Variants in GALNT10 observed in about 807,000 individuals in gnomAD.
GALNT10 encodes polypeptide N-acetylgalactosaminyltransferase 10.
GALNT10 carries 41 observed loss-of-function variants against 75.0 expected under a neutral mutation model. The observed-to-expected ratio is 0.55, with a 90% CI of 0.43 to 0.71. The LOEUF (loss-of-function observed/expected upper bound fraction) is 0.71. Among genes scored for constraint, GALNT10 ranks in the 30% least tolerant of loss-of-function variants. The probability of loss-of-function intolerance (pLI) is 0.00; values close to 1 mark genes in which losing one functional copy is unlikely to be tolerated. For missense variants in GALNT10, 727 were observed against 818.5 expected, an observed-to-expected ratio of 0.89 and a Z score of 1.36; for synonymous variants, 302 against 313.0, an observed-to-expected ratio of 0.96 and a Z score of 0.37.
At chr5:154,202,811 G>A (rs935057885) in intron 1 of GALNT10, among the ~76,000 whole-genome samples, 2 of 152,174 alleles carry the variant, frequency 1.3e-5, no homozygotes, top group South Asian at 2.1e-4. Flanking sequence ...TATCTTTCCC[G>A]CTAGGGTGGG....
chr5:154,393,050 G>A (rs1236718681), intron 7 of GALNT10: 2 of 35,552 alleles, frequency 5.6e-5, no homozygotes, highest in East Asian at 7.1e-4. Flanking sequence ...TAAATTGGAG[G>A]TCTCCACAAA....
At chr5:154,219,837 C>CA (rs1581924356) in intron 1 of GALNT10, among the ~76,000 whole-genome samples, 1 of 105,240 alleles carries the variant, frequency 9.5e-6, no homozygotes, top group African/African-American at 3.1e-5. Flanking sequence ...CTCTCTCTCT[C>CA]TCACACACAC....
chr5:154,341,292 T>G (rs1226780809), intron 4 of GALNT10, among the ~76,000 whole-genome samples: 1 of 152,240 alleles, frequency 6.6e-6, no homozygotes, highest in Non-Finnish European at 1.5e-5. Context: ...TTTATCTGCT[T>G]ACTTTATAAA....
At chr5:154,273,979 G>A (rs1027745827) in intron 1 of GALNT10, among the ~76,000 whole-genome samples, 7 of 152,170 alleles carry the variant, frequency 4.6e-5, no homozygotes, top group Non-Finnish European at 8.8e-5. Context: ...AAAATAATAG[G>A]TTTATATGAT....
chr5:154,237,356 G>A (rs11739888), intron 1 of GALNT10, among the ~76,000 whole-genome samples: 1 of 152,172 alleles, frequency 6.6e-6, no homozygotes, highest in African/African-American at 2.4e-5. Context: ...AGCGTTTTGA[G>A]AGGAGAGAAG....
intron 6 of GALNT10, among the ~76,000 whole-genome samples, chr5:154,384,473 C>A (rs1167286679): frequency 6.6e-6 from 1 of 152,178 alleles, no homozygotes; most frequent in Non-Finnish European, 1.5e-5. Context: ...TTCTTTCATA[C>A]TCTTTTCATC....
rs184426159 is a variant in GALNT10, at chr5:154,286,110, G to A, written c.160-8706G>A. ...TTGTACCATGTACCCCTCTTTTATGGCCTGCCACTGTAGCTTTTTTAATTT... is the reference window on the plus strand; with the variant it reads ...TTGTACCATGTACCCCTCTTTTATGACCTGCCACTGTAGCTTTTTTAATTT... On this transcript the variant is annotated intron_variant, in intron 1 of 11. Transcript: ENST00000297107. Among the ~76,000 whole-genome samples the A allele has an allele frequency of 3.3e-5, 5 of 152,208 alleles. No homozygotes were observed. The East Asian group carries it at 9.7e-4, about 29-fold the overall frequency.
At chr5:154,385,593 T>C (rs1166785403) in intron 6 of GALNT10, among the ~76,000 whole-genome samples, 3 of 152,148 alleles carry the variant, frequency 2.0e-5, no homozygotes, top group East Asian at 3.9e-4. Context: ...CCCTCTGTCT[T>C]GAGGGGGCTG....
intron 1 of GALNT10, among the ~76,000 whole-genome samples, chr5:154,285,967 G>C (rs932651754): frequency 1.3e-5 from 2 of 151,988 alleles, no homozygotes; most frequent in Non-Finnish European, 2.9e-5. Flanking sequence ...TTTTCCCTCT[G>C]TCTGGAATGC....
In GALNT10 at chr5:154,276,354, A is replaced by G. The variant is rs148632926; in HGVS notation, c.160-18462A>G. Among the ~76,000 whole-genome samples, 13 of 152,210 alleles carry G rather than the reference A, an allele frequency of 8.5e-5. No homozygotes were observed. The East Asian group carries it at 2.5e-3, about 29-fold the overall frequency. Reference sequence around the variant, plus strand: ...CCATACATGGCCCCCTTGATCTACAAAACCAGCAATGCCATATTTAATTCT... The same window carrying G: ...CCATACATGGCCCCCTTGATCTACAGAACCAGCAATGCCATATTTAATTCT... On this transcript the variant is annotated intron_variant, in intron 1 of 11. Transcript: ENST00000297107.
At position 154,416,480 on chromosome 5, in the gene GALNT10, TAC is replaced by T. The variant is rs70978542; in HGVS notation, c.1654-297_1654-296del. 8.9e-3 allele frequency among the ~76,000 whole-genome samples: 1,268 copies of T among 141,904 alleles called. 19 individuals carry two copies. Among genetic ancestry groups the T allele is most frequent in the African/African-American group, 0.023 (853 of 36,904 alleles). The allele number at this position is 141,904 out of a possible 152,430, so 93.1% of individuals were successfully genotyped here. On this transcript the variant is annotated intron_variant, in intron 11 of 11. Coordinates refer to ENST00000297107, the MANE Select transcript of GALNT10 (RefSeq NM_198321.4). The surrounding 1 kb of genome is among the most constrained non-coding windows in gnomAD (Gnocchi z 4.5). The stretch of plus-strand genomic sequence containing the variant: ...AAATAAAAGATAAAAGGAAAGCACA[TAC>T]ACACACACACACACACACACACACA...
At chr5:154,372,323 G>T (rs1001891689) in intron 4 of GALNT10, among the ~76,000 whole-genome samples, 1 of 152,270 alleles carries the variant, frequency 6.6e-6, no homozygotes, top group South Asian at 2.1e-4. Context: ...ACTAAAAAAC[G>T]TGTTAGCCAT....
chr5:154,218,990 G>A, intron 1 of GALNT10, among the ~76,000 whole-genome samples: 1 of 152,118 alleles, frequency 6.6e-6, no homozygotes, highest in East Asian at 1.9e-4. Flanking sequence ...AAACACATCT[G>A]GTCATGTCCT....
intron 1 of GALNT10, among the ~76,000 whole-genome samples, chr5:154,242,560 C>T (rs149998084): frequency 2.6e-3 from 403 of 152,306 alleles, no homozygotes; most frequent in African/African-American, 9.2e-3. Flanking sequence ...CATAAACCCT[C>T]CCTGGAGAGG....
At chr5:154,369,056 G>A (rs747146582) in intron 4 of GALNT10, among the ~76,000 whole-genome samples, 5 of 152,194 alleles carry the variant, frequency 3.3e-5, no homozygotes, top group Non-Finnish European at 7.3e-5. Flanking sequence ...GTCTAAGAAA[G>A]TTGTCACAAG....
intron 1 of GALNT10, among the ~76,000 whole-genome samples, chr5:154,231,318 T>C (rs1192426388): frequency 6.6e-6 from 1 of 152,224 alleles, no homozygotes. Context: ...GGTTTGAATG[T>C]ATATACTGCA....
At chr5:154,303,112 C>T (rs989959154) in intron 3 of GALNT10, among the ~76,000 whole-genome samples, 1 of 151,606 alleles carries the variant, frequency 6.6e-6, no homozygotes, top group Non-Finnish European at 1.5e-5. Flanking sequence ...ACACCCCCCA[C>T]CCAAAAAAAA....
At chr5:154,321,493 GTTTTTTTTA>G (rs1370125710) in intron 3 of GALNT10, among the ~76,000 whole-genome samples, 1 of 151,506 alleles carries the variant, frequency 6.6e-6, no homozygotes, top group African/African-American at 2.4e-5. Context: ...TTGTTAGTTT[GTTTTTTTTA>G]TTTTTGTAGA....
intron 6 of GALNT10, 112 bp from the exon 7 acceptor site, chr5:154,386,201 G>A (rs1755802841): frequency 4.0e-6 from 3 of 754,318 alleles, no homozygotes; most frequent in Non-Finnish European, 4.5e-6. Context: ...CTTGGACTGT[G>A]TTCAGGGAGC....
Sources: gnomAD v4.1 joint callset for allele counts (sites outside exome capture counted in the v4.1 genomes callset) on GRCh38, gnomAD v4.1.1 for gene constraint, Gnocchi (gnomAD v3.1) non-coding constraint, MANE v1.5 for transcripts, NCBI Gene and HGNC (gene_info 2026-07-23, HGNC 2026-07-21) for gene names.